ZBTB20: variants seen among roughly 807,000 people sequenced by gnomAD.
ZBTB20 encodes zinc finger and BTB domain-containing protein 20.
In ZBTB20, 9 loss-of-function variants were observed where a neutral mutation model predicts 56.9. That is an observed-to-expected ratio of 0.16 (90% CI 0.10 to 0.28). The LOEUF (loss-of-function observed/expected upper bound fraction) is 0.28. ZBTB20 is among the 10% of genes least tolerant of loss of function. The pLI, the probability that ZBTB20 is intolerant of heterozygous loss-of-function variation, is 1.00. For synonymous variants in ZBTB20, 417 were observed against 420.7 expected (o/e 0.99, Z 0.11); for missense variants, 655 against 1,003.0 (o/e 0.65, Z 4.69).
rs534734087 is a variant in ZBTB20, at chr3:114,533,624, G to A, written c.-294-33233C>T. On this transcript the variant is annotated intron_variant, in intron 6 of 11. Transcript: ENST00000675478. ...CAAGACAGGCCAACATTCAAATTCA[G>A]GAAATACAGAGAACACCACAAAGAT... 2.6e-5 allele frequency among the ~76,000 whole-genome samples: 4 copies of A among 152,178 alleles called. No individual in the cohort carries two copies. In the South Asian group the frequency reaches 8.3e-4, roughly 32 times the overall value.
intron 7 of ZBTB20, among the ~76,000 whole-genome samples, chr3:114,495,525 T>C (rs1424237741): frequency 1.3e-5 from 2 of 152,186 alleles, no homozygotes; most frequent in African/African-American, 2.4e-5. Flanking sequence ...TAAATCTGTC[T>C]TGTGCTGTGT....
At chr3:114,924,980 C>CTTTTTTTTTT (rs578028983) in intron 3 of ZBTB20, among the ~76,000 whole-genome samples, 1 of 99,918 alleles carries the variant, frequency 1.0e-5, no homozygotes, top group Non-Finnish European at 2.1e-5. Context: ...TTTGGTTCTT[C>CTTTTTTTTTT]TTTTTTTTTT....
At chr3:114,816,350 T>G (rs2072917390) in intron 4 of ZBTB20, among the ~76,000 whole-genome samples, 1 of 152,156 alleles carries the variant, frequency 6.6e-6, no homozygotes, top group Non-Finnish European at 1.5e-5. Context: ...AAGCTCAGAA[T>G]TAGGTTAAGG....
rs116375420 is a variant in ZBTB20 at position 114,730,802 on chromosome 3, T to C, written c.-342-37227A>G. Among the ~76,000 whole-genome samples, 1,055 of 152,308 alleles carry C rather than the reference T, an allele frequency of 6.9e-3. 8 individuals carry two copies. The highest frequency in any genetic ancestry group is 0.012 in the Non-Finnish European group (844 of 68,034). ...GTTATGGTAGGCCTACAGACTGATA[T>C]GGTGCCTGTATCAGTGCCTATATGG... is the stretch of plus-strand genomic sequence containing the variant. On this transcript the variant is annotated intron_variant, in intron 5 of 11. Transcript: ENST00000675478.
chr3:114,766,791 A>C (rs929136897), intron 5 of ZBTB20, among the ~76,000 whole-genome samples: 3 of 152,072 alleles, frequency 2.0e-5, no homozygotes, highest in African/African-American at 7.2e-5. Context: ...CAATCCAACT[A>C]GAAAATTCAA....
chr3:114,477,888 T>C (rs557897201), intron 7 of ZBTB20, among the ~76,000 whole-genome samples: 1 of 151,336 alleles, frequency 6.6e-6, no homozygotes, highest in South Asian at 2.1e-4. Context: ...CCTTTTTTCT[T>C]TCTTTCTTTC....
At chr3:114,493,433 C>A (rs892390960) in intron 7 of ZBTB20, among the ~76,000 whole-genome samples, 1 of 152,166 alleles carries the variant, frequency 6.6e-6, no homozygotes, top group African/African-American at 2.4e-5. Flanking sequence ...AATGATCATG[C>A]CACAGTCCTT....
rs1257962606 is a variant in ZBTB20 at position 114,863,858 on chromosome 3, AG to A, written c.-417+36445del. ...CTCTATAAGAAAACCAAAGAGGCCA[AG>A]GGACATTAAGTTTGGTGTTTAATTG... On this transcript the variant is annotated intron_variant, in intron 4 of 11. Coordinates refer to ENST00000675478, the MANE Select transcript of ZBTB20 (RefSeq NM_001348800.3). 6.6e-5 allele frequency among the ~76,000 whole-genome samples: 10 copies of A among 152,166 alleles called. No homozygotes were observed. The South Asian group carries it at 1.7e-3, about 25-fold the overall frequency.
At chr3:114,358,687 T>TATGAA (rs2081492093) in intron 10 of ZBTB20, among the ~76,000 whole-genome samples, 3 of 152,282 alleles carry the variant, frequency 2.0e-5, no homozygotes, top group South Asian at 2.1e-4. Context: ...TGAAGCTGCT[T>TATGAA]TGGGGGTCAC....
At chr3:114,742,648 T>C (rs2066696364) in intron 5 of ZBTB20, among the ~76,000 whole-genome samples, 1 of 152,154 alleles carries the variant, frequency 6.6e-6, no homozygotes, top group Non-Finnish European at 1.5e-5. Flanking sequence ...AGTAACTAAG[T>C]GAAAGAGCCA....
intron 7 of ZBTB20, among the ~76,000 whole-genome samples, chr3:114,413,674 G>T (rs1023437217): frequency 6.6e-6 from 1 of 152,090 alleles, no homozygotes; most frequent in African/African-American, 2.4e-5. Flanking sequence ...GGGCCAGAAG[G>T]TGCACAAATT....
chr3:114,842,139 T>C (rs1325234719), intron 4 of ZBTB20, among the ~76,000 whole-genome samples: 16 of 152,200 alleles, frequency 1.1e-4, no homozygotes, highest in Admixed American at 1.0e-3. Flanking sequence ...AGGTTAGGCT[T>C]GAGGTCATGG....
At chr3:114,816,581 CT>C (rs2072933981) in intron 4 of ZBTB20, among the ~76,000 whole-genome samples, 1 of 151,984 alleles carries the variant, frequency 6.6e-6, no homozygotes, top group Non-Finnish European at 1.5e-5. Flanking sequence ...ATGCCAAATG[CT>C]AAAGTTTAAA....
intron 1 of ZBTB20, among the ~76,000 whole-genome samples, chr3:115,117,953 T>C (rs2084068738): frequency 6.6e-6 from 1 of 152,204 alleles, no homozygotes; most frequent in African/African-American, 2.4e-5. Flanking sequence ...AGAAAGAACG[T>C]GGCTTTTAAA....
chr3:114,664,578 T>C (rs1014101805), intron 6 of ZBTB20, among the ~76,000 whole-genome samples: 8 of 149,956 alleles, frequency 5.3e-5, no homozygotes, highest in African/African-American at 2.0e-4. Context: ...ACAGGTCTCA[T>C]AGGTCTATTA....
rs79760569 is a variant in ZBTB20 at position 115,135,084 on chromosome 3, G to A, written c.-703+12135C>T. On this transcript the variant is annotated intron_variant, in intron 1 of 11. Transcript: ENST00000675478. ...CAAACCTCTAAAGCCCAAGCTCTTC[G>A]TCCCAATGTCTATTGCTTTCTCATA... 5.0e-3 allele frequency among the ~76,000 whole-genome samples: 763 copies of A among 152,238 alleles called. 3 individuals carry two copies. The highest frequency in any genetic ancestry group is 0.017 in the African/African-American group (703 of 41,538).
intron 1 of ZBTB20, among the ~76,000 whole-genome samples, chr3:115,105,674 CAA>C (rs1197004310): frequency 6.6e-6 from 1 of 152,060 alleles, no homozygotes; most frequent in Admixed American, 6.5e-5. Flanking sequence ...TTGCATAGTT[CAA>C]GATTCAAATA....
intron 1 of ZBTB20, among the ~76,000 whole-genome samples, chr3:115,085,720 C>T (rs1040222921): frequency 4.0e-5 from 6 of 151,802 alleles, no homozygotes; most frequent in African/African-American, 9.7e-5. Context: ...TGCCTCAGGC[C>T]GAGTGATAAG....
intron 2 of ZBTB20, among the ~76,000 whole-genome samples, chr3:115,020,946 C>A (rs190414999): frequency 6.6e-6 from 1 of 150,852 alleles, no homozygotes; most frequent in African/African-American, 2.4e-5. Context: ...TAACTTTGTA[C>A]GATCGAATGT....
Sources: allele counts gnomAD v4.1 joint callset (sites outside exome capture counted in the v4.1 genomes callset), GRCh38; gene constraint gnomAD v4.1.1; transcripts MANE v1.5; gene names NCBI Gene and HGNC (gene_info 2026-07-23, HGNC 2026-07-21).